Variants in KLHL42 observed in about 807,000 individuals in gnomAD.
KLHL42 encodes kelch-like protein 42.
Under a neutral mutation model 32.7 loss-of-function variants are expected in KLHL42, and 27 were observed. The ratio of observed to expected loss-of-function variants is 0.83; its 90% CI spans 0.61 to 1.14. KLHL42 has a LOEUF of 1.14. KLHL42 is among the 50% of genes most tolerant of loss of function. The probability of loss-of-function intolerance (pLI) is 0.00; values close to 1 mark genes in which losing one functional copy is unlikely to be tolerated. For synonymous variants in KLHL42, 267 were observed against 248.2 expected (o/e 1.08, Z -0.71); for missense variants, 491 against 560.8 (o/e 0.88, Z 1.26).
At position 27,801,267 on chromosome 12, in the gene KLHL42, A is replaced by G. The variant is rs2062246293; in HGVS notation, c.*3101A>G. ...AATGCCTTAGATATCAATGAAAGCTACACACCATTGAGATGGGCAAAATTC... is the reference window on the plus strand; with the variant it reads ...AATGCCTTAGATATCAATGAAAGCTGCACACCATTGAGATGGGCAAAATTC... On this transcript the variant is annotated 3_prime_UTR_variant, in exon 3 of 3. Transcript: ENST00000381271. 6.6e-6 allele frequency: 1 copy of G among 152,370 alleles called. No individual in the cohort carries two copies. The highest frequency in any genetic ancestry group is 1.5e-5 in the Non-Finnish European group (1 of 68,016). 9.4% of individuals were successfully genotyped at this position (152,370 alleles called of 1,614,324 possible).
Position 27,800,287 on chromosome 12 carries a change from A to AG in KLHL42, c.*2124dup. On this transcript the variant is annotated 3_prime_UTR_variant, in exon 3 of 3. Transcript: ENST00000381271. Reference sequence around the variant, plus strand: ...GACAATTAGATTCTTGGACCAAGTGAGGGTGTACTCTGATCCACAAAGCTC... The same window carrying AG: ...GACAATTAGATTCTTGGACCAAGTGAGGGGTGTACTCTGATCCACAAAGCTC... The AG allele has an allele frequency of 1.0e-6, 1 of 985,024 alleles. No individual in the cohort carries two copies. Among genetic ancestry groups the AG allele is most frequent in the Non-Finnish European group, 1.2e-6 (1 of 829,886 alleles). The allele number at this position is 985,024 out of a possible 1,614,324, so 61.0% of individuals were successfully genotyped here.
intron 2 of KLHL42, among the ~76,000 whole-genome samples, chr12:27,793,012 A>G (rs2062203942): frequency 6.6e-6 from 1 of 151,824 alleles, no homozygotes; most frequent in African/African-American, 2.4e-5. Flanking sequence ...GGCCTCTCAA[A>G]GTGCTGGGAT....
chr12:27,786,001 C>T (rs192193809), intron 1 of KLHL42, among the ~76,000 whole-genome samples: 3 of 152,194 alleles, frequency 2.0e-5, no homozygotes, highest in African/African-American at 7.2e-5. Context: ...GTACTGTTCC[C>T]GCTGCTTTGC....
intron 2 of KLHL42, among the ~76,000 whole-genome samples, chr12:27,794,049 T>A (rs568961846): frequency 9.5e-4 from 145 of 152,380 alleles, no homozygotes; most frequent in African/African-American, 3.3e-3. Flanking sequence ...AAGTATTTGA[T>A]GAACATCTGA....
intron 1 of KLHL42, among the ~76,000 whole-genome samples, chr12:27,784,580 T>TAGCCATTGC (rs1300268820): frequency 6.6e-6 from 1 of 152,124 alleles, no homozygotes; most frequent in Non-Finnish European, 1.5e-5. Flanking sequence ...GGCCCGTGAA[T>TAGCCATTGC]AGCCATTGCA....
chr12:27,787,321 CCT>C (rs2062176675), intron 1 of KLHL42, among the ~76,000 whole-genome samples: 2 of 151,674 alleles, frequency 1.3e-5, no homozygotes, highest in African/African-American at 4.8e-5. Flanking sequence ...GTGGTGAAAC[CCT>C]GTCTCTACTA....
rs1438140470 is a variant in KLHL42, at chr12:27,802,932, G to A, written c.*4766G>A. 1.3e-5 allele frequency: 2 copies of A among 152,212 alleles called. No individual in the cohort carries two copies. Among genetic ancestry groups the A allele is most frequent in the Non-Finnish European group, 2.9e-5 (2 of 68,036 alleles). 9.4% of individuals were successfully genotyped at this position (152,212 alleles called of 1,614,324 possible). ...TCTAGCTTAAAAGTGTAAACATTAT[G>A]TGATTCATTTGAATACAAGAATGCC... On this transcript the variant is annotated 3_prime_UTR_variant, in exon 3 of 3. Transcript: ENST00000381271.
chr12:27,791,987 G>A lies in KLHL42; in HGVS notation c.1066+86G>A, dbSNP rs143611650. On this transcript the variant is annotated intron_variant, in intron 2 of 2. Transcript: ENST00000381271. ...GCAAGAGGGTGTCAGAGGAAGCCCC[G>A]ACATATCCGAGTGTCATGTTATGCT... The A allele has an allele frequency of 6.5e-4, 712 of 1,090,894 alleles. 9 individuals are homozygous for A. Among genetic ancestry groups the A allele is most frequent in the Middle Eastern group, 6.0e-4 (2 of 3,350 alleles). The allele number at this position is 1,090,894 out of a possible 1,614,324, so 67.6% of individuals were successfully genotyped here. A position where few individuals can be genotyped will look rare whatever the true frequency, so the allele number is the denominator to read the frequency against.
intron 1 of KLHL42, among the ~76,000 whole-genome samples, chr12:27,788,838 T>C (rs1310143564): frequency 2.0e-5 from 3 of 152,260 alleles, no homozygotes; most frequent in Non-Finnish European, 2.9e-5. Context: ...ATAGCTATGA[T>C]AGATGACTTG....
rs770540277 is a variant in KLHL42, at chr12:27,798,999, G to A, written c.*833G>A. ...TTGAGTCTTAAATTTAAATGGGAAG[G>A]GAAGAAAACACCAAATAAGAAAAAA... On this transcript the variant is annotated 3_prime_UTR_variant, in exon 3 of 3. Coordinates refer to ENST00000381271, the MANE Select transcript of KLHL42 (RefSeq NM_020782.2). 2.6e-5 allele frequency: 4 copies of A among 152,374 alleles called. No individual in the cohort carries two copies. The highest frequency in any genetic ancestry group is 4.4e-5 in the Non-Finnish European group (3 of 67,996). 9.4% of individuals were successfully genotyped at this position (152,374 alleles called of 1,614,324 possible). A position where few individuals can be genotyped will look rare whatever the true frequency, so the allele number is the denominator to read the frequency against.
chr12:27,785,108 C>T (rs2062166618), intron 1 of KLHL42, among the ~76,000 whole-genome samples: 1 of 152,180 alleles, frequency 6.6e-6, no homozygotes, highest in Non-Finnish European at 1.5e-5. Context: ...TGAGAGCTAT[C>T]GCCCCACCAA....
rs1299126621 is a variant in KLHL42, at chr12:27,798,264, G to A, written c.*98G>A. 1.2e-5 allele frequency: 8 copies of A among 660,420 alleles called. No homozygotes were observed. Among genetic ancestry groups the A allele is most frequent in the Non-Finnish European group, 2.2e-5 (8 of 368,378 alleles). The allele number at this position is 660,420 out of a possible 1,614,324, so 40.9% of individuals were successfully genotyped here. The stretch of plus-strand genomic sequence containing the variant: ...GACCAATTCCTAAAGGGTAAAGAAG[G>A]GTTAAAGTAGGTCACATATATACAG... On this transcript the variant is annotated 3_prime_UTR_variant, in exon 3 of 3. Coordinates refer to ENST00000381271, the MANE Select transcript of KLHL42 (RefSeq NM_020782.2).
chr12:27,780,359 G>A lies in KLHL42; in HGVS notation c.29G>A (p.Arg10His). Residue 10 changes from arginine to histidine, a missense_variant, in exon 1 of 3, where the codon CGC (arginine) becomes CAC (histidine). By Grantham distance (29) the Arg-to-His change is conservative. Transcript: ENST00000381271. This position sits in a 1 kb window ranked among gnomAD's most constrained non-coding sequence, Gnocchi z 8.8. Reference protein sequence around the residue: MSAEEMVQIRLEDRCYPVSK... With the variant: MSAEEMVQIHLEDRCYPVSK... The stretch of plus-strand genomic sequence containing the variant: ...TCGGCCGAGGAGATGGTGCAGATCC[G>A]CCTGGAGGACCGCTGCTACCCGGTG... The A allele has an allele frequency of 1.3e-6, 2 of 1,582,272 alleles. No homozygotes were observed. The highest frequency in any genetic ancestry group is 1.7e-6 in the Non-Finnish European group (2 of 1,166,986).
intron 1 of KLHL42, among the ~76,000 whole-genome samples, chr12:27,789,815 G>GGGCTGGCT (rs149006498): frequency 1.3e-5 from 2 of 151,988 alleles, no homozygotes; most frequent in Admixed American, 1.3e-4. Flanking sequence ...ACAAAAAAGT[G>GGGCTGGCT]GGCTGGCTGG....
At chr12:27,793,463 A>T (rs12297687) in intron 2 of KLHL42, among the ~76,000 whole-genome samples, 1 of 151,924 alleles carries the variant, frequency 6.6e-6, no homozygotes, top group Admixed American at 6.6e-5. Context: ...GGATTGCTTG[A>T]GCCAGGGGTT....
chr12:27,790,782 T>C (rs763022743), intron 1 of KLHL42, among the ~76,000 whole-genome samples: 9 of 152,208 alleles, frequency 5.9e-5, no homozygotes, highest in Non-Finnish European at 1.2e-4. Flanking sequence ...TGGTGTCTTA[T>C]AACTATAACC....
At position 27,780,741 on chromosome 12, in the gene KLHL42, G is replaced by C. The variant is rs1303803487; in HGVS notation, c.411G>C (p.Ala137=). The change falls in exon 1 of 3, where the codon GCG becomes GCC. Residue 137 remains alanine, a synonymous_variant. Transcript: ENST00000381271. The surrounding 1 kb of genome is among the most constrained non-coding windows in gnomAD (Gnocchi z 8.8). ...ACTGCCTGGAGATGTACCGCCTGGCGCAGGTGTACGGGCTGCCCGACCTGC... is the reference window on the plus strand; with the variant it reads ...ACTGCCTGGAGATGTACCGCCTGGCCCAGGTGTACGGGCTGCCCGACCTGC... ...LNNCLEMYRL[A]QVYGLPDLQE... The C allele has an allele frequency of 6.2e-7, 1 of 1,613,370 alleles. No individual in the cohort carries two copies. The highest frequency in any genetic ancestry group is 8.5e-7 in the Non-Finnish European group (1 of 1,180,002).
intron 2 of KLHL42, among the ~76,000 whole-genome samples, chr12:27,792,684 C>A (rs938078258): frequency 6.6e-6 from 1 of 151,838 alleles, no homozygotes; most frequent in Non-Finnish European, 1.5e-5. Context: ...CACCATGCCC[C>A]GCTAATTTTT....
chr12:27,784,145 T>G lies in KLHL42; in HGVS notation c.872+2943T>G, dbSNP rs577619278. Among the ~76,000 whole-genome samples the G allele has an allele frequency of 2.5e-3, 384 of 151,182 alleles. 5 individuals are homozygous for G. Among genetic ancestry groups the G allele is most frequent in the African/African-American group, 8.9e-3 (368 of 41,150 alleles). On this transcript the variant is annotated intron_variant, in intron 1 of 2. Transcript: ENST00000381271. Reference sequence around the variant, plus strand: ...GTTTTTTTTTTTTGTTTTTGTTTTTTTTTTTTGGGGACGGAGTCTCGTTCT... The same window carrying G: ...GTTTTTTTTTTTTGTTTTTGTTTTTGTTTTTTGGGGACGGAGTCTCGTTCT...
Sources: allele counts gnomAD v4.1 joint callset (sites outside exome capture counted in the v4.1 genomes callset), GRCh38; gene constraint gnomAD v4.1.1; non-coding constraint Gnocchi (gnomAD v3.1); transcripts MANE v1.5; gene names NCBI Gene and HGNC (gene_info 2026-07-23, HGNC 2026-07-21).